LSM7: variants seen among roughly 807,000 people sequenced by gnomAD.
The protein encoded by LSM7 is LSM7 homolog, U6 small nuclear RNA and mRNA degradation associated.
A neutral mutation model predicts 14.1 loss-of-function variants in LSM7; 13 were observed. The observed-to-expected ratio is 0.92, with a 90% CI of 0.60 to 1.47. The LOEUF is 1.47. Ranked by LOEUF, LSM7 falls within the 40% of genes most tolerant of loss-of-function variation. LSM7 has a pLI of 0.00. For missense variants in LSM7, 108 were observed against 140.8 expected (o/e 0.77, Z 1.18); for synonymous variants, 70 against 57.1 (o/e 1.23, Z -1.02).
rs1599181615 is a variant in LSM7, at chr19:2,327,284, G to A, written c.97+1103C>T. ...TTCCTTTTTCTTTTTGTTTTGAGAC[G>A]GAGTCTTGCCCTATCGCCAGGCTGG... On this transcript the variant is annotated intron_variant, in intron 2 of 3. Coordinates refer to ENST00000252622, the MANE Select transcript of LSM7 (RefSeq NM_016199.3). Among the ~76,000 whole-genome samples the A allele has an allele frequency of 2.0e-5, 3 of 152,158 alleles. No homozygotes were observed. The East Asian group carries it at 5.8e-4, about 29-fold the overall frequency.
chr19:2,324,742 C>A (rs2145123930), intron 2 of LSM7: 1 of 156,522 alleles, frequency 6.4e-6, no homozygotes, highest in African/African-American at 2.4e-5. Context: ...GAGGACGCAC[C>A]TGAGGACGTC....
rs1180031306 is a variant in LSM7 at position 2,328,394 on chromosome 19, G to A, written c.90C>T (p.Gly30=). The A allele has an allele frequency of 6.2e-7, 1 of 1,613,616 alleles. No homozygotes were observed. Among genetic ancestry groups the A allele is most frequent in the Admixed American group, 1.7e-5 (1 of 59,996 alleles). The change falls in exon 2 of 4, where the codon GGC becomes GGT. Residue 30 remains glycine, a synonymous_variant. Transcript: ENST00000252622. ...DKTIRVKFQG[G]REASGILKGF... ...CAGCGGGAGCCTCCTCACCTTCGCGGCCTCCCTGGAACTTTACCCGGATCG... is the reference window on the plus strand; with the variant it reads ...CAGCGGGAGCCTCCTCACCTTCGCGACCTCCCTGGAACTTTACCCGGATCG...
intron 2 of LSM7, chr19:2,324,517 G>A (rs989692920): frequency 3.2e-5 from 13 of 401,808 alleles, no homozygotes; most frequent in East Asian, 1.3e-4. Context: ...AACTGCGGCC[G>A]GTCAGCTCTA....
intron 3 of LSM7, among the ~76,000 whole-genome samples, chr19:2,323,495 G>C (rs1967965098): frequency 6.6e-6 from 1 of 152,200 alleles, no homozygotes; most frequent in Admixed American, 6.5e-5. Flanking sequence ...CTGTTACTCA[G>C]GCTGGAGTGC....
At chr19:2,322,105 C>T (rs897432973) in intron 3 of LSM7, among the ~76,000 whole-genome samples, 1 of 152,190 alleles carries the variant, frequency 6.6e-6, no homozygotes, top group African/African-American at 2.4e-5. Context: ...CCGGCTACCC[C>T]GCGTCTCAGA....
intron 3 of LSM7, among the ~76,000 whole-genome samples, chr19:2,323,106 C>T (rs907529375): frequency 9.9e-5 from 15 of 152,102 alleles, no homozygotes; most frequent in Non-Finnish European, 1.5e-4. Flanking sequence ...GTGCCCGGGC[C>T]GGGATGGGGA....
intron 2 of LSM7, chr19:2,326,227 T>A (rs1968012309): frequency 6.6e-6 from 1 of 152,220 alleles, no homozygotes; most frequent in Admixed American, 6.5e-5. Flanking sequence ...CTGAATCAGC[T>A]GACTGAGCCA....
At chr19:2,328,302 C>T in intron 2 of LSM7, 85 bp downstream of exon 2, 2 of 1,115,344 alleles carry the variant, frequency 1.8e-6, no homozygotes, top group Non-Finnish European at 2.6e-6. Context: ...AAAAGAGGTG[C>T]TTCCGCATGC....
At chr19:2,324,324 G>C in intron 2 of LSM7, 128 bp from the exon 3 acceptor site, 1 of 729,904 alleles carries the variant, frequency 1.4e-6, no homozygotes, top group Non-Finnish European at 2.4e-6. Context: ...GTAGGAGAGG[G>C]CTCCCGGGAG....
intron 3 of LSM7, among the ~76,000 whole-genome samples, chr19:2,323,634 C>T (rs915806846): frequency 2.6e-5 from 4 of 152,036 alleles, no homozygotes; most frequent in Admixed American, 6.6e-5. Flanking sequence ...GCATTTTTAG[C>T]GGAGACGGGG....
At chr19:2,322,532 T>C (rs1211685941) in intron 3 of LSM7, among the ~76,000 whole-genome samples, 1 of 151,874 alleles carries the variant, frequency 6.6e-6, no homozygotes, top group Non-Finnish European at 1.5e-5. Context: ...CAGAGCGAGA[T>C]TCCATCTCAA....
At chr19:2,322,526 G>A (rs868184790) in intron 3 of LSM7, among the ~76,000 whole-genome samples, 7 of 152,124 alleles carry the variant, frequency 4.6e-5, no homozygotes, top group Admixed American at 6.5e-5. Context: ...GGGTGACAGA[G>A]CGAGATTCCA....
chr19:2,321,599 A>G lies in LSM7; in HGVS notation c.*81T>C. On this transcript the variant is annotated 3_prime_UTR_variant, in exon 4 of 4. Coordinates refer to ENST00000252622, the MANE Select transcript of LSM7 (RefSeq NM_016199.3). The surrounding 1 kb of genome is among the most constrained non-coding windows in gnomAD (Gnocchi z 5.0). ...AAATGCTTCCGTTCCAGGAGGCGGTACTGCGGTGGGAGCAGCAGCCAAGTC... is the reference window on the plus strand; with the variant it reads ...AAATGCTTCCGTTCCAGGAGGCGGTGCTGCGGTGGGAGCAGCAGCCAAGTC... 7.8e-7 allele frequency: 1 copy of G among 1,277,376 alleles called. No individual in the cohort carries two copies. Among genetic ancestry groups the G allele is most frequent in the African/African-American group, 1.6e-5 (1 of 64,498 alleles). The allele number at this position is 1,277,376 out of a possible 1,614,324, so 79.1% of individuals were successfully genotyped here. A position where few individuals can be genotyped will look rare whatever the true frequency, so the allele number is the denominator to read the frequency against.
Position 2,325,680 on chromosome 19 carries a change from C to T in LSM7, c.98-1484G>A, listed in dbSNP as rs374816837. ...GGTGCGGGGGAGGGTCTGCAAACTA[C>T]GACCCCCAGGTGAACCTGCCCGCCG... On this transcript the variant is annotated intron_variant, in intron 2 of 3. Transcript: ENST00000252622. Among the ~76,000 whole-genome samples, 11 of 152,170 alleles carry T rather than the reference C, an allele frequency of 7.2e-5. No homozygotes were observed. The East Asian group carries it at 1.7e-3, about 24-fold the overall frequency.
intron 2 of LSM7, among the ~76,000 whole-genome samples, chr19:2,326,758 C>G (rs984771184): frequency 6.6e-6 from 1 of 152,230 alleles, no homozygotes. Context: ...GCGTGAGCCC[C>G]CGCACCCGGC....
At chr19:2,323,456 A>C (rs765020156) in intron 3 of LSM7, among the ~76,000 whole-genome samples, 1 of 152,038 alleles carries the variant, frequency 6.6e-6, no homozygotes, top group Non-Finnish European at 1.5e-5. Flanking sequence ...ACCTCAGCTT[A>C]TCTCTTTTTT....
At position 2,321,557 on chromosome 19, in the gene LSM7, A is replaced by C; in HGVS notation, c.*123T>G. On this transcript the variant is annotated 3_prime_UTR_variant, in exon 4 of 4. Transcript: ENST00000252622. The surrounding 1 kb of genome is among the most constrained non-coding windows in gnomAD (Gnocchi z 5.0). The stretch of plus-strand genomic sequence containing the variant: ...AATTTTATTAAGAAAACAAAAATTC[A>C]ACCTATACAAAAAGGAAAATGCTTC... 9.2e-7 allele frequency: 1 copy of C among 1,091,798 alleles called. No homozygotes were observed. The allele number at this position is 1,091,798 out of a possible 1,614,324, so 67.6% of individuals were successfully genotyped here.
At chr19:2,328,201 C>CGGAG (rs1968078483) in intron 2 of LSM7, 186 bp downstream of exon 2, 1 of 565,796 alleles carries the variant, frequency 1.8e-6, no homozygotes, top group African/African-American at 1.9e-5. Flanking sequence ...ACCTGGGAGG[C>CGGAG]GGAGGTTGCA....
chr19:2,322,884 ATT>A (rs531109884), intron 3 of LSM7, among the ~76,000 whole-genome samples: 2 of 143,862 alleles, frequency 1.4e-5, no homozygotes, highest in Admixed American at 6.9e-5. Flanking sequence ...GGCTAATTAC[ATT>A]TTTTTTTTTT....
Sources: allele counts gnomAD v4.1 joint callset (sites outside exome capture counted in the v4.1 genomes callset), GRCh38; gene constraint gnomAD v4.1.1; non-coding constraint Gnocchi (gnomAD v3.1); transcripts MANE v1.5; gene names NCBI Gene and HGNC (gene_info 2026-07-23, HGNC 2026-07-21).